Variants in FGGY observed in about 807,000 individuals in gnomAD.
The protein encoded by FGGY is FGGY carbohydrate kinase domain-containing protein.
A neutral mutation model predicts 71.3 loss-of-function variants in FGGY; 72 were observed. The ratio of observed to expected loss-of-function variants is 1.01; its 90% confidence interval spans 0.84 to 1.23. FGGY has a LOEUF of 1.23. FGGY is among the 50% of genes most tolerant of loss of function. The pLI is 0.00. For missense variants in FGGY, 668 were observed against 682.3 expected (o/e 0.98, Z 0.23); for synonymous variants, 251 against 250.3 (o/e 1.00, Z -0.02).
intron 8 of FGGY, among the ~76,000 whole-genome samples, chr1:59,591,018 G>T (rs370197778): frequency 3.3e-5 from 5 of 152,080 alleles, no homozygotes; most frequent in African/African-American, 9.6e-5. Context: ...TGCAGATGAC[G>T]TGATTGTATA....
intron 11 of FGGY, among the ~76,000 whole-genome samples, chr1:59,647,431 G>C (rs1295728119): frequency 1.3e-5 from 2 of 152,120 alleles, no homozygotes; most frequent in African/African-American, 2.4e-5. Flanking sequence ...CATCATTTTT[G>C]CTTGCTATAA....
intron 14 of FGGY, among the ~76,000 whole-genome samples, chr1:59,706,020 A>G (rs1306455426): frequency 1.3e-5 from 2 of 152,176 alleles, no homozygotes; most frequent in African/African-American, 2.4e-5. Context: ...AATGCTGGAA[A>G]ATTCTCCACA....
intron 5 of FGGY, among the ~76,000 whole-genome samples, chr1:59,410,281 C>T (rs1368271696): frequency 2.0e-5 from 3 of 152,154 alleles, no homozygotes; most frequent in Non-Finnish European, 4.4e-5. Flanking sequence ...ATGTGAATAT[C>T]TGTGTGTACT....
At chr1:59,461,326 T>G (rs949748612) in intron 6 of FGGY, among the ~76,000 whole-genome samples, 1 of 152,076 alleles carries the variant, frequency 6.6e-6, no homozygotes. Context: ...TATCAGTGAT[T>G]GAAGATCAAA....
At chr1:59,441,146 T>C (rs1436316715) in intron 5 of FGGY, among the ~76,000 whole-genome samples, 1 of 152,158 alleles carries the variant, frequency 6.6e-6, no homozygotes, top group African/African-American at 2.4e-5. Flanking sequence ...ATGTCTATTT[T>C]CCCATCTACT....
intron 5 of FGGY, among the ~76,000 whole-genome samples, chr1:59,406,768 C>T (rs935070138): frequency 6.6e-6 from 1 of 152,180 alleles, no homozygotes; most frequent in Non-Finnish European, 1.5e-5. Flanking sequence ...CTCCTTTTCT[C>T]CTTGCTCTTG....
intron 7 of FGGY, among the ~76,000 whole-genome samples, chr1:59,529,365 A>C (rs1415499315): frequency 6.6e-6 from 1 of 152,192 alleles, no homozygotes; most frequent in African/African-American, 2.4e-5. Context: ...CAGCTTGCTC[A>C]AGGTCACACA....
chr1:59,615,363 G>T (rs1028172892), intron 9 of FGGY, among the ~76,000 whole-genome samples: 2 of 152,148 alleles, frequency 1.3e-5, no homozygotes, highest in Non-Finnish European at 2.9e-5. Flanking sequence ...ACAACTATCT[G>T]ATTTTTGACA....
chr1:59,745,883 G>C (rs1236952725), intron 14 of FGGY, among the ~76,000 whole-genome samples: 1 of 152,218 alleles, frequency 6.6e-6, no homozygotes, highest in Non-Finnish European at 1.5e-5. Context: ...GAGTACATGA[G>C]AGAATTGGAC....
At chr1:59,561,320 CA>C (rs1002651378) in intron 8 of FGGY, among the ~76,000 whole-genome samples, 49 of 152,140 alleles carry the variant, frequency 3.2e-4, no homozygotes, top group African/African-American at 1.2e-3. Flanking sequence ...TAGGAACCAG[CA>C]TTCTCAGGAC....
chr1:59,435,688 T>C (rs2068270666), intron 5 of FGGY, among the ~76,000 whole-genome samples: 1 of 151,946 alleles, frequency 6.6e-6, no homozygotes, highest in Non-Finnish European at 1.5e-5. Context: ...AAAGATGGCC[T>C]ACTGGGTCAC....
In FGGY at chr1:59,650,784, T is replaced by G. The variant is rs1471545968; in HGVS notation, c.1222-9435T>G. 2.8e-5 allele frequency among the ~76,000 whole-genome samples: 4 copies of G among 143,520 alleles called. 1 individual carries two copies. Among genetic ancestry groups the G allele is most frequent in the African/African-American group, 8.8e-5 (3 of 34,124 alleles). 94.2% of individuals were successfully genotyped at this position (143,520 alleles called of 152,430 possible). ...GCTCTGATCTTAGTTATTTCTTGCC[T>G]TCTGCTAGCTGTTGAATGTGTTTGC... On this transcript the variant is annotated intron_variant, in intron 11 of 15. Transcript: ENST00000303721.
intron 8 of FGGY, among the ~76,000 whole-genome samples, chr1:59,586,883 T>A (rs2096301170): frequency 6.6e-6 from 1 of 152,182 alleles, no homozygotes; most frequent in Non-Finnish European, 1.5e-5. Context: ...GACGGGTGAT[T>A]TCTGCATTTC....
intron 1 of FGGY, 52 bp from the exon 2 acceptor site, chr1:59,321,480 ACTGT>A: frequency 1.3e-6 from 2 of 1,483,086 alleles, no homozygotes; most frequent in Non-Finnish European, 1.9e-6. Flanking sequence ...ATGTTTTGTG[ACTGT>A]CTTTGCAGAT....
intron 9 of FGGY, among the ~76,000 whole-genome samples, chr1:59,622,705 T>G (rs879875218): frequency 2.6e-5 from 4 of 152,208 alleles, no homozygotes; most frequent in African/African-American, 4.8e-5. Flanking sequence ...ATGGTTGCCT[T>G]GAACTCTAAC....
At chr1:59,628,326 G>A (rs1337253003) in intron 10 of FGGY, among the ~76,000 whole-genome samples, 1 of 152,132 alleles carries the variant, frequency 6.6e-6, no homozygotes, top group Non-Finnish European at 1.5e-5. Flanking sequence ...TGTAAATATG[G>A]GAAGCATCAG....
At chr1:59,373,954 G>A (rs2058186552) in intron 4 of FGGY, among the ~76,000 whole-genome samples, 1 of 152,142 alleles carries the variant, frequency 6.6e-6, no homozygotes, top group Admixed American at 6.5e-5. Flanking sequence ...AAAAACCCTA[G>A]AAGAAACCCA....
At position 59,630,796 on chromosome 1, in the gene FGGY, C is replaced by T. The variant is rs78570778; in HGVS notation, c.1073+4747C>T. On this transcript the variant is annotated intron_variant, in intron 10 of 15. Coordinates refer to ENST00000303721, the MANE Select transcript of FGGY (RefSeq NM_018291.5). ...GGTTCAGAAGCAGCAACTTACAGAA[C>T]TCAGTGATGGAGTCAGAACTGGATT... Among the ~76,000 whole-genome samples the T allele has an allele frequency of 7.7e-3, 1,171 of 152,308 alleles. 18 individuals are homozygous for T. The highest frequency in any genetic ancestry group is 0.027 in the African/African-American group (1,118 of 41,564).
chr1:59,746,377 TAA>T (rs2098197970), intron 14 of FGGY, among the ~76,000 whole-genome samples: 1 of 152,214 alleles, frequency 6.6e-6, no homozygotes. Context: ...TACCTTTCAA[TAA>T]AGTTTCTGGG....
Sources: allele counts gnomAD v4.1 joint callset (sites outside exome capture counted in the v4.1 genomes callset), GRCh38; gene constraint gnomAD v4.1.1; transcripts MANE v1.5; gene names NCBI Gene and HGNC (gene_info 2026-07-23, HGNC 2026-07-21).